Variants in CFAP53 observed in about 807,000 individuals in gnomAD.
CFAP53 encodes the protein cilia- and flagella-associated protein 53.
Under a neutral mutation model 59.7 loss-of-function variants are expected in CFAP53, and 62 were observed. The observed-to-expected ratio is 1.04, with a 90% CI of 0.85 to 1.28. The LOEUF (loss-of-function observed/expected upper bound fraction) is 1.28, where lower values mean the gene tolerates loss of function less well. Among genes scored for constraint, CFAP53 ranks in the 50% most tolerant of loss-of-function variants. The pLI, the probability that CFAP53 is intolerant of heterozygous loss-of-function variation, is 0.00. For synonymous variants in CFAP53, 218 were observed against 205.7 expected, an observed-to-expected ratio of 1.06 and a Z score of -0.51; for missense variants, 629 against 615.6, an observed-to-expected ratio of 1.02 and a Z score of -0.23.
intron 7 of CFAP53, among the ~76,000 whole-genome samples, chr18:50,228,117 C>A (rs1249876349): frequency 6.6e-6 from 1 of 152,110 alleles, no homozygotes; most frequent in Non-Finnish European, 1.5e-5. Context: ...CGCCACCACA[C>A]CTGGCTAATT....
intron 6 of CFAP53, among the ~76,000 whole-genome samples, chr18:50,242,683 T>C (rs1030222124): frequency 6.6e-6 from 1 of 152,222 alleles, no homozygotes; most frequent in African/African-American, 2.4e-5. Flanking sequence ...ACTGTTCCTT[T>C]AACCTTGAGA....
At chr18:50,234,843 G>A (rs1268422844) in intron 7 of CFAP53, among the ~76,000 whole-genome samples, 1 of 152,248 alleles carries the variant, frequency 6.6e-6, no homozygotes, top group African/African-American at 2.4e-5. Context: ...TCTCATTATA[G>A]AGAGGAATGG....
chr18:50,254,306 AAGATAT>A (rs1201631199), intron 3 of CFAP53, among the ~76,000 whole-genome samples: 3 of 152,104 alleles, frequency 2.0e-5, no homozygotes, highest in African/African-American at 7.2e-5. Flanking sequence ...AAATGGGCAA[AAGATAT>A]AAAGAGACAT....
In CFAP53 at chr18:50,251,685, G is replaced by A; in HGVS notation, c.573C>T (p.Ser191=). The change falls in exon 4 of 8, where the codon AGC becomes AGT. Residue 191 remains serine, a synonymous_variant. Transcript: ENST00000398545. ...KAQIAFNEEL[S]RQKLVEEQMF... ...TCTGCTCTTCCACCAGCTTTTGCCT[G>A]CTCAGCTCCTCATTAAATGCAATCT... The A allele has an allele frequency of 6.2e-7, 1 of 1,614,186 alleles. No homozygotes were observed. Among genetic ancestry groups the A allele is most frequent in the Non-Finnish European group, 8.5e-7 (1 of 1,180,030 alleles).
rs538035935 is a variant in CFAP53 at position 50,261,452 on chromosome 18, T to C, written c.300-215A>G. Among the ~76,000 whole-genome samples the C allele has an allele frequency of 8.0e-3, 1,211 of 152,254 alleles. 16 individuals carry two copies. Among genetic ancestry groups the C allele is most frequent in the Non-Finnish European group, 0.012 (790 of 67,992 alleles). On this transcript the variant is annotated intron_variant, in intron 2 of 7. Transcript: ENST00000398545. ...CTCTGTCACCCAGGCTGGAGTGCAG[T>C]GTGATCATGGCTCACTGCAGCCTTG...
chr18:50,231,599 C>T (rs557989121), intron 7 of CFAP53, among the ~76,000 whole-genome samples: 30 of 152,350 alleles, frequency 2.0e-4, no homozygotes, highest in African/African-American at 7.0e-4. Flanking sequence ...TCTTTTCAGC[C>T]TTTCAGCAGC....
chr18:50,230,216 G>C (rs1307844883), intron 7 of CFAP53, among the ~76,000 whole-genome samples: 1 of 152,100 alleles, frequency 6.6e-6, no homozygotes, highest in Non-Finnish European at 1.5e-5. Context: ...TAATTCATAG[G>C]AACACCCAAT....
At position 50,266,487 on chromosome 18, in the gene CFAP53, C is replaced by T. The variant is rs2033987216; in HGVS notation, c.-83G>A. On this transcript the variant is annotated 5_prime_UTR_variant, in exon 1 of 8. Coordinates refer to ENST00000398545, the MANE Select transcript of CFAP53 (RefSeq NM_145020.5). ...ACCTGCGGGACCCGCTTCCGCGACGCAGAAGTCTGGTTGCCATGGTGCGCC... is the reference window on the plus strand; with the variant it reads ...ACCTGCGGGACCCGCTTCCGCGACGTAGAAGTCTGGTTGCCATGGTGCGCC... 1.4e-6 allele frequency: 2 copies of T among 1,403,142 alleles called. No homozygotes were observed. 86.9% of individuals were successfully genotyped at this position (1,403,142 alleles called of 1,614,324 possible).
rs1189991050 is a variant in CFAP53 at position 50,227,325 on chromosome 18, A to C, written c.*56T>G. ...CAGGAGTTAAAAGAAGCATACAAGC[A>C]TACTGTAGTTAAAAATATTAAAAGA... On this transcript the variant is annotated 3_prime_UTR_variant, in exon 8 of 8. Transcript: ENST00000398545. The C allele has an allele frequency of 1.3e-5, 18 of 1,375,838 alleles. No homozygotes were observed. The highest frequency in any genetic ancestry group is 1.7e-5 in the Non-Finnish European group (17 of 973,352). 85.2% of individuals were successfully genotyped at this position (1,375,838 alleles called of 1,614,324 possible).
At chr18:50,263,428 C>T (rs186232896) in intron 1 of CFAP53, among the ~76,000 whole-genome samples, 3 of 152,232 alleles carry the variant, frequency 2.0e-5, no homozygotes, top group African/African-American at 7.2e-5. Context: ...CATTTGAAGA[C>T]AGTTTAATGA....
At chr18:50,266,287 GGA>G in intron 1 of CFAP53, 47 bp downstream of exon 1, 1 of 1,582,974 alleles carries the variant, frequency 6.3e-7, no homozygotes, top group Non-Finnish European at 8.7e-7. Context: ...CCTGGAGTGC[GGA>G]GAGATGGAGA....
chr18:50,238,191 C>G (rs1184090890), intron 7 of CFAP53, among the ~76,000 whole-genome samples: 1 of 152,140 alleles, frequency 6.6e-6, no homozygotes, highest in African/African-American at 2.4e-5. Flanking sequence ...AAGTGTAATA[C>G]TAATGTAAAA....
intron 5 of CFAP53, among the ~76,000 whole-genome samples, chr18:50,245,368 G>A (rs1482765791): frequency 7.6e-6 from 1 of 132,098 alleles, no homozygotes; most frequent in Non-Finnish European, 1.6e-5. Flanking sequence ...CGGCCTGGGC[G>A]ACAGAGCGAG....
At chr18:50,254,031 T>C (rs2033824767) in intron 3 of CFAP53, among the ~76,000 whole-genome samples, 1 of 152,094 alleles carries the variant, frequency 6.6e-6, no homozygotes, top group Non-Finnish European at 1.5e-5. Context: ...ATTGACAAAT[T>C]TGATTTCATT....
At chr18:50,230,560 C>G (rs2144399907) in intron 7 of CFAP53, among the ~76,000 whole-genome samples, 1 of 152,322 alleles carries the variant, frequency 6.6e-6, no homozygotes, top group African/African-American at 2.4e-5. Flanking sequence ...CCTGATTTCT[C>G]TGAGCAATTC....
chr18:50,230,779 A>G (rs2033575777), intron 7 of CFAP53, among the ~76,000 whole-genome samples: 2 of 152,200 alleles, frequency 1.3e-5, no homozygotes, highest in Admixed American at 6.5e-5. Context: ...GGTCTGGAGA[A>G]TCAGAGAATT....
chr18:50,256,986 A>G (rs2033852022), intron 3 of CFAP53, among the ~76,000 whole-genome samples: 1 of 149,594 alleles, frequency 6.7e-6, no homozygotes, highest in South Asian at 2.2e-4. Flanking sequence ...TCACTCTCAC[A>G]GAGCCTGGCA....
chr18:50,261,721 C>A (rs945466465), intron 2 of CFAP53, among the ~76,000 whole-genome samples: 3 of 151,942 alleles, frequency 2.0e-5, no homozygotes, highest in Non-Finnish European at 2.9e-5. Flanking sequence ...TGATCACATA[C>A]AAATAAGATA....
intron 6 of CFAP53, 37 bp downstream of exon 6, chr18:50,242,863 G>A (rs1030506716): frequency 6.5e-7 from 1 of 1,535,074 alleles, no homozygotes; most frequent in Non-Finnish European, 9.0e-7. Context: ...ATTGAATTAA[G>A]GGCAAGCTAT....
Sources: allele counts gnomAD v4.1 joint callset (sites outside exome capture counted in the v4.1 genomes callset), GRCh38; gene constraint gnomAD v4.1.1; transcripts MANE v1.5; gene names NCBI Gene and HGNC (gene_info 2026-07-23, HGNC 2026-07-21).